BMPER: variants seen among roughly 807,000 people sequenced by gnomAD.
BMPER encodes BMP binding endothelial regulator.
A neutral mutation model predicts 87.3 loss-of-function variants in BMPER; 45 were observed. That is an observed-to-expected ratio of 0.52 (90% CI 0.41 to 0.66). The LOEUF is 0.66. Ranked by LOEUF, BMPER falls within the 30% of genes least tolerant of loss-of-function variation. BMPER has a pLI of 0.00. For missense variants in BMPER, 784 were observed against 867.5 expected (o/e 0.90, Z 1.21); for synonymous variants, 326 against 316.2 (o/e 1.03, Z -0.33).
chr7:34,055,054 C>T (rs746088436), intron 8 of BMPER, 109 bp from the exon 9 acceptor site: 58 of 1,479,158 alleles, frequency 3.9e-5, no homozygotes, highest in Middle Eastern at 1.7e-4. Flanking sequence ...AATAGGGTAC[C>T]TTACAGACTT....
chr7:33,957,606 A>G (rs1302475574), intron 3 of BMPER, among the ~76,000 whole-genome samples: 2 of 152,148 alleles, frequency 1.3e-5, no homozygotes, highest in Non-Finnish European at 2.9e-5. Flanking sequence ...AAGTGTATGT[A>G]AAACTGGTAA....
rs746034041 is a variant in BMPER at position 33,906,858 on chromosome 7, G to A, written c.174G>A (p.Gln58=). The stretch of plus-strand genomic sequence containing the variant: ...GTGAAAATGAAGGTGAAGTCCTCCA[G>A]ATTCCATTTATCACAGACAACCCTT... The part of the protein sequence containing the change: ...AKCENEGEVL[Q]IPFITDNPCI... The change falls in exon 2 of 15, where the codon CAG becomes CAA. Residue 58 remains glutamine, a synonymous_variant. Transcript: ENST00000649409. 6.2e-7 allele frequency: 1 copy of A among 1,613,902 alleles called. No homozygotes were observed. Among genetic ancestry groups the A allele is most frequent in the South Asian group, 1.1e-5 (1 of 91,070 alleles).
intron 3 of BMPER, 89 bp from the exon 4 acceptor site, chr7:33,966,390 T>A (rs1352775773): frequency 8.7e-7 from 1 of 1,150,954 alleles, no homozygotes; most frequent in Non-Finnish European, 1.3e-6. Context: ...AATCTGGGCT[T>A]AGAGAACATA....
At chr7:34,050,498 A>G (rs1365636423) in intron 7 of BMPER, among the ~76,000 whole-genome samples, 1 of 152,168 alleles carries the variant, frequency 6.6e-6, no homozygotes, top group East Asian at 1.9e-4. Flanking sequence ...GGAAGACAGC[A>G]TGTTTTTCTT....
At chr7:34,030,796 G>A (rs1475489496) in intron 6 of BMPER, among the ~76,000 whole-genome samples, 1 of 151,978 alleles carries the variant, frequency 6.6e-6, no homozygotes, top group Non-Finnish European at 1.5e-5. Context: ...TAGAGACAGG[G>A]TCTCGCTATG....
intron 4 of BMPER, among the ~76,000 whole-genome samples, chr7:33,967,276 T>C (rs1190068697): frequency 6.6e-6 from 1 of 152,252 alleles, no homozygotes; most frequent in Admixed American, 6.5e-5. Context: ...ACTTAAAATT[T>C]CTTCTTCGTA....
intron 3 of BMPER, among the ~76,000 whole-genome samples, chr7:33,949,370 A>G (rs1278054697): frequency 6.6e-6 from 1 of 152,126 alleles, no homozygotes; most frequent in Non-Finnish European, 1.5e-5. Context: ...TCCTGGAGAC[A>G]ATCTTTGTAC....
intron 6 of BMPER, among the ~76,000 whole-genome samples, chr7:34,044,210 G>A (rs904599855): frequency 1.3e-5 from 2 of 152,158 alleles, no homozygotes; most frequent in Non-Finnish European, 2.9e-5. Context: ...TTTGCTCTTT[G>A]TCCTTATTGT....
chr7:34,152,643 A>G (rs1182600225), intron 14 of BMPER, among the ~76,000 whole-genome samples: 1 of 152,122 alleles, frequency 6.6e-6, no homozygotes, highest in Non-Finnish European at 1.5e-5. Flanking sequence ...TATGTCACAC[A>G]TTCCCAATAT....
intron 6 of BMPER, among the ~76,000 whole-genome samples, chr7:34,030,952 G>T (rs1254417833): frequency 6.6e-6 from 1 of 151,986 alleles, no homozygotes; most frequent in Admixed American, 6.6e-5. Context: ...AGCTACTTGT[G>T]TCTCTGAGGA....
At chr7:34,143,712 TAC>T (rs1790938561) in intron 14 of BMPER, among the ~76,000 whole-genome samples, 1 of 152,196 alleles carries the variant, frequency 6.6e-6, no homozygotes, top group Non-Finnish European at 1.5e-5. Flanking sequence ...TCGGGACAAT[TAC>T]AGTCATTTAA....
At position 34,153,116 on chromosome 7, in the gene BMPER, T is replaced by G; in HGVS notation, c.1901T>G (p.Val634Gly). 6.2e-7 allele frequency: 1 copy of G among 1,614,058 alleles called. No individual in the cohort carries two copies. Among genetic ancestry groups the G allele is most frequent in the Non-Finnish European group, 8.5e-7 (1 of 1,179,952 alleles). ...CAATQCKHGA[V>G]YDTCGPGCIK... is the part of the protein sequence containing the mutation. ...GCCACCCAGTGTAAGCATGGTGCTG[T>G]GTACGATACCTGTGGTCCGGGATGT... Residue 634 changes from valine (V) to glycine (G), a missense_variant, in exon 15 of 15, where the codon GTG becomes GGG. By Grantham distance (109) the Val-to-Gly change is moderately radical (BLOSUM62 -3). Transcript: ENST00000649409.
At chr7:34,150,278 T>C (rs1233605640) in intron 14 of BMPER, among the ~76,000 whole-genome samples, 4 of 152,108 alleles carry the variant, frequency 2.6e-5, no homozygotes, top group Non-Finnish European at 5.9e-5. Context: ...GAATGTAGGG[T>C]TTGTTTGCAG....
rs115619590 is a variant in BMPER, at chr7:34,053,130, G to T, written c.786+1160G>T. On this transcript the variant is annotated intron_variant, in intron 8 of 14. Coordinates refer to ENST00000649409, the MANE Select transcript of BMPER (RefSeq NM_001365308.1). The stretch of plus-strand genomic sequence containing the variant: ...AATGGGATTTAGTTATGCTTGCCGT[G>T]CTTTGGGTTCATGGGTTCCTTGAGA... 5.5e-3 allele frequency among the ~76,000 whole-genome samples: 837 copies of T among 152,262 alleles called. 5 individuals carry two copies. The highest frequency in any genetic ancestry group is 0.019 in the African/African-American group (783 of 41,544).
intron 13 of BMPER, among the ~76,000 whole-genome samples, chr7:34,122,194 A>C (rs1210251461): frequency 6.6e-6 from 1 of 152,264 alleles, no homozygotes; most frequent in South Asian, 2.1e-4. Context: ...CAGATTAGTA[A>C]GATATCTGGG....
At chr7:34,140,104 G>A (rs1304866202) in intron 13 of BMPER, among the ~76,000 whole-genome samples, 1 of 152,246 alleles carries the variant, frequency 6.6e-6, no homozygotes, top group Non-Finnish European at 1.5e-5. Context: ...TTCTGGATCT[G>A]TGATCAGCCC....
rs1485078641 is a variant in BMPER at position 34,143,215 on chromosome 7, T to C, written c.1746-15T>C. On this transcript the variant is annotated splice_polypyrimidine_tract_variant and intron_variant, in intron 13 of 14. Transcript: ENST00000649409. ...ATATTTTTAAATGTTTCTATCTCTCTTTTGGGTCCTATAGGTCCTGTGTGA... is the reference window on the plus strand; with the variant it reads ...ATATTTTTAAATGTTTCTATCTCTCCTTTGGGTCCTATAGGTCCTGTGTGA... 6.2e-7 allele frequency: 1 copy of C among 1,613,792 alleles called. No individual in the cohort carries two copies. Among genetic ancestry groups the C allele is most frequent in the South Asian group, 1.1e-5 (1 of 91,076 alleles).
At chr7:34,040,134 G>A (rs1458399880) in intron 6 of BMPER, among the ~76,000 whole-genome samples, 1 of 152,136 alleles carries the variant, frequency 6.6e-6, no homozygotes, top group East Asian at 1.9e-4. Flanking sequence ...GTGCCAGCTG[G>A]CTGGAGTAGA....
At chr7:33,933,509 T>A (rs904552275) in intron 2 of BMPER, among the ~76,000 whole-genome samples, 12 of 151,880 alleles carry the variant, frequency 7.9e-5, no homozygotes, top group Admixed American at 2.6e-4. Context: ...ACCATTTCTC[T>A]TGTTTAGATC....
Sources: gnomAD v4.1 joint callset for allele counts (sites outside exome capture counted in the v4.1 genomes callset) on GRCh38, gnomAD v4.1.1 for gene constraint, MANE v1.5 for transcripts, NCBI Gene and HGNC (gene_info 2026-07-23, HGNC 2026-07-21) for gene names.